FRMD3: variants seen among roughly 807,000 people sequenced by gnomAD.
FRMD3 encodes the protein FERM domain-containing protein 3.
In FRMD3, 33 loss-of-function variants were observed where a neutral mutation model predicts 70.2. That is an observed-to-expected ratio of 0.47 (90% CI 0.36 to 0.63). FRMD3 has a LOEUF of 0.63. Ranked by LOEUF, FRMD3 falls within the 20% of genes least tolerant of loss-of-function variation. FRMD3 has a pLI of 0.00. For missense variants in FRMD3, 632 were observed against 711.4 expected, an observed-to-expected ratio of 0.89 and a Z score of 1.27; for synonymous variants, 279 against 255.9, an observed-to-expected ratio of 1.09 and a Z score of -0.86.
intron 1 of FRMD3, among the ~76,000 whole-genome samples, chr9:83,510,115 C>T (rs1454726431): frequency 6.6e-6 from 1 of 152,168 alleles, no homozygotes; most frequent in Non-Finnish European, 1.5e-5. Flanking sequence ...TGTCCCCCAG[C>T]CCCGCAGATG....
intron 3 of FRMD3, among the ~76,000 whole-genome samples, chr9:83,365,957 GGCC>G: frequency 6.6e-6 from 1 of 152,206 alleles, no homozygotes. Context: ...AGGAACCACT[GGCC>G]TCAGCAGCAC....
chr9:83,382,108 C>A (rs1166079665), intron 2 of FRMD3, among the ~76,000 whole-genome samples: 1 of 151,712 alleles, frequency 6.6e-6, no homozygotes, highest in Non-Finnish European at 1.5e-5. Context: ...AACTAAAATG[C>A]AATCATCTAT....
intron 1 of FRMD3, among the ~76,000 whole-genome samples, chr9:83,434,858 G>A (rs1251554545): frequency 2.4e-5 from 3 of 125,476 alleles, no homozygotes; most frequent in African/African-American, 3.2e-5. Flanking sequence ...ACAGGGTCTG[G>A]CTCTGTCACC....
intron 1 of FRMD3, among the ~76,000 whole-genome samples, chr9:83,441,990 A>G (rs1252653502): frequency 6.6e-6 from 1 of 152,198 alleles, no homozygotes; most frequent in Admixed American, 6.5e-5. Flanking sequence ...TTTGGCATTG[A>G]CCTAGTACAG....
At chr9:83,258,085 T>C (rs1832803068) in intron 13 of FRMD3, among the ~76,000 whole-genome samples, 1 of 152,152 alleles carries the variant, frequency 6.6e-6, no homozygotes, top group Non-Finnish European at 1.5e-5. Context: ...GTGCCTGCCA[T>C]GTACAGTCAA....
chr9:83,331,786 T>A, intron 6 of FRMD3: 1 of 694,156 alleles, frequency 1.4e-6, no homozygotes, highest in Non-Finnish European at 2.6e-6. Flanking sequence ...GAAAAACAAC[T>A]CTATTAGTCA....
chr9:83,514,206 C>T (rs1217521737), intron 1 of FRMD3, among the ~76,000 whole-genome samples: 1 of 152,218 alleles, frequency 6.6e-6, no homozygotes, highest in Non-Finnish European at 1.5e-5. Flanking sequence ...AAGCTAAGAT[C>T]TACTGGCTTG....
intron 13 of FRMD3, chr9:83,281,547 C>T (rs1563992053): frequency 6.6e-6 from 1 of 152,182 alleles, no homozygotes; most frequent in Non-Finnish European, 1.5e-5. Flanking sequence ...GCAAAATGCT[C>T]ACCTGAACAG....
chr9:83,292,608 A>G (rs1266108323), intron 12 of FRMD3, among the ~76,000 whole-genome samples: 3 of 152,236 alleles, frequency 2.0e-5, no homozygotes, highest in African/African-American at 4.8e-5. Flanking sequence ...CCCAGTCTTG[A>G]TCACTACTTT....
rs759550416 is a variant in FRMD3 at position 83,270,821 on chromosome 9, G to C, written c.1195+19782C>G. 3.3e-5 allele frequency among the ~76,000 whole-genome samples: 5 copies of C among 150,930 alleles called. No individual in the cohort carries two copies. In the South Asian group the frequency reaches 8.3e-4, roughly 25 times the overall value. On this transcript the variant is annotated intron_variant, in intron 13 of 13. Transcript: ENST00000304195. ...GGCAATTTACTCAATAAATGTTAGC[G>C]ATTTTTTTTCAATACATGGTCATTT...
intron 1 of FRMD3, among the ~76,000 whole-genome samples, chr9:83,491,465 C>T (rs1204633336): frequency 1.3e-5 from 2 of 152,206 alleles, no homozygotes; most frequent in African/African-American, 4.8e-5. Context: ...CTGTGCCCTA[C>T]CTGAGTAATG....
At chr9:83,370,549 T>C (rs1051432573) in intron 3 of FRMD3, among the ~76,000 whole-genome samples, 28 of 152,238 alleles carry the variant, frequency 1.8e-4, no homozygotes, top group Admixed American at 6.5e-5. Context: ...CAGATTCAGA[T>C]TTCATTTGTC....
At chr9:83,392,787 G>A (rs1825702816) in intron 1 of FRMD3, among the ~76,000 whole-genome samples, 1 of 152,144 alleles carries the variant, frequency 6.6e-6, no homozygotes, top group African/African-American at 2.4e-5. Context: ...CAACTTTCAT[G>A]CATCTCTCTC....
chr9:83,491,024 T>A (rs894445524), intron 1 of FRMD3, among the ~76,000 whole-genome samples: 3 of 152,190 alleles, frequency 2.0e-5, no homozygotes, highest in Non-Finnish European at 4.4e-5. Flanking sequence ...CACTCTAGGA[T>A]AATCACAATA....
At chr9:83,523,205 C>A (rs59177824) in intron 1 of FRMD3, among the ~76,000 whole-genome samples, 2 of 151,326 alleles carry the variant, frequency 1.3e-5, no homozygotes, top group African/African-American at 2.4e-5. Flanking sequence ...GACGGACGGA[C>A]GGATGGATAG....
intron 1 of FRMD3, among the ~76,000 whole-genome samples, chr9:83,450,370 T>TTTAA (rs60674885): frequency 8.3e-6 from 1 of 120,752 alleles, no homozygotes; most frequent in African/African-American, 3.1e-5. Context: ...TTTTTTTTTT[T>TTTAA]ATTATACTCT....
intron 1 of FRMD3, among the ~76,000 whole-genome samples, chr9:83,494,852 T>TGTGTGTGCGCGCGCGCATGTGC (rs1305952691): frequency 3.4e-5 from 5 of 147,816 alleles, no homozygotes; most frequent in Non-Finnish European, 6.0e-5. Flanking sequence ...TGTGTGTGTG[T>TGTGTGTGCGCGCGCGCATGTGC]GTGTGTGCGC....
At chr9:83,544,263 G>A in the FRMD3 span, among the ~76,000 whole-genome samples, 2 of 152,166 alleles carry the variant, frequency 1.3e-5, no homozygotes, top group East Asian at 1.9e-4. Flanking sequence ...AGAAGACTGC[G>A]TTTCTGCACC....
intron 1 of FRMD3, among the ~76,000 whole-genome samples, chr9:83,402,898 CTTT>C (rs559570925): frequency 0.25 from 21,760 of 86,456 alleles, 1,302 homozygotes; most frequent in East Asian, 0.42. Context: ...TTCTTTCTTT[CTTT>C]TTTTTTTTTT....
Sources: gnomAD v4.1 joint callset for allele counts (sites outside exome capture counted in the v4.1 genomes callset) on GRCh38, gnomAD v4.1.1 for gene constraint, MANE v1.5 for transcripts, NCBI Gene and HGNC (gene_info 2026-07-23, HGNC 2026-07-21) for gene names.